The following RAD54L2 variants were observed in gnomAD, a reference collection of about 807,000 sequenced individuals.
RAD54L2 encodes helicase ARIP4.
A neutral mutation model predicts 138.4 loss-of-function variants in RAD54L2; 27 were observed. That is an observed-to-expected ratio of 0.20 (90% CI 0.14 to 0.27). RAD54L2 has a LOEUF of 0.27. Ranked by LOEUF, RAD54L2 falls within the 10% of genes least tolerant of loss-of-function variation. RAD54L2 has a pLI of 1.00. For synonymous variants in RAD54L2, 644 were observed against 723.2 expected (o/e 0.89, Z 1.76); for missense variants, 1,396 against 1,890.2 (o/e 0.74, Z 4.85).
At chr3:51,552,067 A>G (rs974314053) in intron 2 of RAD54L2, among the ~76,000 whole-genome samples, 9 of 151,698 alleles carry the variant, frequency 5.9e-5, no homozygotes, top group Non-Finnish European at 1.2e-4. Flanking sequence ...CATTTCTGTA[A>G]GTATAAGTAT....
rs763283241 is a variant in RAD54L2 at position 51,660,128 on chromosome 3, C to T, written c.3409+10C>T. On this transcript the variant is annotated intron_variant, in intron 22 of 22. Transcript: ENST00000684192. ...CGGATGGCTGCCTCAGGTGTGATGG[C>T]TTTTACTTTCCATTTTACTTTTCAA... is the stretch of plus-strand genomic sequence containing the variant. 1 of 1,584,906 alleles carries T rather than the reference C, an allele frequency of 6.3e-7. No individual in the cohort carries two copies. Among genetic ancestry groups the T allele is most frequent in the Non-Finnish European group, 8.6e-7 (1 of 1,157,258 alleles).
intron 2 of RAD54L2, among the ~76,000 whole-genome samples, chr3:51,548,137 G>A (rs112965920): frequency 0.012 from 1,889 of 151,756 alleles, 15 homozygotes; most frequent in Non-Finnish European, 0.019. Flanking sequence ...CAGGTGATCT[G>A]CACATCTCGG....
At chr3:51,599,209 ATTG>A (rs1156940961) in intron 3 of RAD54L2, among the ~76,000 whole-genome samples, 1 of 152,126 alleles carries the variant, frequency 6.6e-6, no homozygotes, top group African/African-American at 2.4e-5. Flanking sequence ...TGTGGTGATG[ATTG>A]TTGTTGTAGT....
At chr3:51,598,175 G>GTA (rs1158790269) in intron 3 of RAD54L2, among the ~76,000 whole-genome samples, 165 of 143,194 alleles carry the variant, frequency 1.2e-3, no homozygotes, top group East Asian at 6.2e-3. Context: ...GTGTGTGTGT[G>GTA]TGTATATATA....
In RAD54L2 at chr3:51,590,457, C is replaced by G. The variant is rs1699815993; in HGVS notation, c.37C>G (p.Leu13Val). 2 of 1,551,330 alleles carry G rather than the reference C, an allele frequency of 1.3e-6. No individual in the cohort carries two copies. Among genetic ancestry groups the G allele is most frequent in the Non-Finnish European group, 1.7e-6 (2 of 1,146,614 alleles). ...DESASGSDPD[L>V]DPDVELEDAE... ...ATCTGCCTCAGGGAGCGATCCAGACCTGGACCCGGACGTGGAGCTGGAGGA... is the reference window on the plus strand; with the variant it reads ...ATCTGCCTCAGGGAGCGATCCAGACGTGGACCCGGACGTGGAGCTGGAGGA... Residue 13 changes from leucine (L) to valine (V), a missense_variant, in exon 3 of 23, where the codon CTG (leucine) becomes GTG (valine). Around this residue, in one of 7 missense-constraint regions of RAD54L2, gnomAD observed 256 missense variants for 344.6 expected, o/e 0.74. Transcript: ENST00000684192.
At chr3:51,651,914 A>G (rs1177661464) in intron 19 of RAD54L2, among the ~76,000 whole-genome samples, 1 of 152,210 alleles carries the variant, frequency 6.6e-6, no homozygotes, top group African/African-American at 2.4e-5. Context: ...CCTATTCAAC[A>G]TAGTGTTGGA....
chr3:51,571,092 A>AT (rs1290737470), intron 2 of RAD54L2, among the ~76,000 whole-genome samples: 2 of 152,164 alleles, frequency 1.3e-5, no homozygotes, highest in Non-Finnish European at 2.9e-5. Context: ...AAGTGTTGGG[A>AT]TTATAGGAGT....
chr3:51,599,073 A>G (rs1700029370), intron 3 of RAD54L2, among the ~76,000 whole-genome samples: 1 of 152,124 alleles, frequency 6.6e-6, no homozygotes, highest in African/African-American at 2.4e-5. Context: ...ACACTATCTG[A>G]CATAATTTCC....
In RAD54L2 at chr3:51,666,871, G is replaced by A. The variant is rs976149681; in HGVS notation, c.*3451G>A. On this transcript the variant is annotated 3_prime_UTR_variant, in exon 23 of 23. Transcript: ENST00000684192. ...GGAGCTCTCTTCCCTAGGAATTAGT[G>A]TGTGGAGTCTCTATATGCTTGTGAT... 1.2e-4 allele frequency: 19 copies of A among 152,118 alleles called. No homozygotes were observed. Among genetic ancestry groups the A allele is most frequent in the African/African-American group, 3.6e-4 (15 of 41,372 alleles). The allele number at this position is 152,118 out of a possible 1,614,324, so 9.4% of individuals were successfully genotyped here. A position where few individuals can be genotyped will look rare whatever the true frequency, so the allele number is the denominator to read the frequency against.
Position 51,663,135 on chromosome 3 carries a change from T to G in RAD54L2, c.4119T>G (p.Pro1373=). ...TASNPSFMLN[P]SVPGILPSYS... ...GCAACCCCTCCTTCATGCTCAACCCTTCTGTGCCAGGGATACTACCCAGCT... is the reference window on the plus strand; with the variant it reads ...GCAACCCCTCCTTCATGCTCAACCCGTCTGTGCCAGGGATACTACCCAGCT... Residue 1373 remains proline, a synonymous_variant, in exon 23 of 23, where the codon CCT becomes CCG. Coordinates refer to ENST00000684192, the MANE Select transcript of RAD54L2 (RefSeq NM_015106.4). 6.2e-7 allele frequency: 1 copy of G among 1,613,960 alleles called. No homozygotes were observed. Among genetic ancestry groups the G allele is most frequent in the Non-Finnish European group, 8.5e-7 (1 of 1,179,874 alleles).
intron 2 of RAD54L2, among the ~76,000 whole-genome samples, chr3:51,569,407 G>T (rs1451882562): frequency 6.0e-5 from 9 of 150,290 alleles, no homozygotes; most frequent in African/African-American, 2.2e-4. Flanking sequence ...TTTTCTAGAC[G>T]GAGTCTTGCT....
chr3:51,608,553 G>T (rs569780159), intron 3 of RAD54L2, among the ~76,000 whole-genome samples: 167 of 152,364 alleles, frequency 1.1e-3, no homozygotes, highest in African/African-American at 4.0e-3. Flanking sequence ...CACTGAGTGA[G>T]CGAGACTCCG....
rs1408350580 is a variant in RAD54L2 at position 51,590,511 on chromosome 3, G to A, written c.91G>A (p.Val31Met). The A allele has an allele frequency of 1.3e-6, 2 of 1,552,510 alleles. No individual in the cohort carries two copies. The highest frequency in any genetic ancestry group is 8.7e-7 in the Non-Finnish European group (1 of 1,147,206). ...GGAAGAGGAGGAGGAGGAGGAGGAG[G>A]TGGCAGTGGAGGAGTGTGACAGGGA... ...DAEEEEEEEE[V>M]AVEECDRDDE... The change falls in exon 3 of 23, where the codon GTG becomes ATG. Residue 31 changes from valine (V) to methionine (M), a missense_variant. Transcript: ENST00000684192.
At chr3:51,598,149 A>ATATG (rs1553682161) in intron 3 of RAD54L2, among the ~76,000 whole-genome samples, 19 of 128,410 alleles carry the variant, frequency 1.5e-4, no homozygotes, top group African/African-American at 5.0e-4. Flanking sequence ...GTATATATAT[A>ATATG]TGTGTGTGTG....
chr3:51,654,456 G>A (rs552410394), intron 19 of RAD54L2, among the ~76,000 whole-genome samples: 8 of 152,184 alleles, frequency 5.3e-5, no homozygotes, highest in Non-Finnish European at 1.0e-4. Context: ...GGGAGGCTGA[G>A]GTGGGAGAAT....
intron 3 of RAD54L2, among the ~76,000 whole-genome samples, chr3:51,615,548 G>A (rs746271257): frequency 3.3e-5 from 5 of 152,170 alleles, no homozygotes; most frequent in Non-Finnish European, 7.3e-5. Context: ...TCTGTTATGT[G>A]ACAGGCATTT....
intron 2 of RAD54L2, among the ~76,000 whole-genome samples, chr3:51,565,034 A>G (rs763623984): frequency 2.0e-4 from 31 of 152,336 alleles, no homozygotes; most frequent in Admixed American, 3.9e-4. Context: ...ATTAGAACAA[A>G]GAGGCCTTTT....
rs768354274 is a variant in RAD54L2, at chr3:51,626,436, C to CTTTTTTTTTTTTTTTTTTTTTTT, written c.140-1113_140-1091dup. ...TGACATCCCCTGGACCCCCAACGAT[C>CTTTTTTTTTTTTTTTTTTTTTTT]TTTTTTTTTTTTTTTTTTTTTTTTT... On this transcript the variant is annotated intron_variant, in intron 3 of 22. Coordinates refer to ENST00000684192, the MANE Select transcript of RAD54L2 (RefSeq NM_015106.4). Among the ~76,000 whole-genome samples the CTTTTTTTTTTTTTTTTTTTTTTT allele has an allele frequency of 5.1e-5, 2 of 39,392 alleles. 1 individual carries two copies. Among genetic ancestry groups the CTTTTTTTTTTTTTTTTTTTTTTT allele is most frequent in the Admixed American group, 1.0e-3 (2 of 1,994 alleles). 25.8% of individuals were successfully genotyped at this position (39,392 alleles called of 152,430 possible).
At chr3:51,613,001 G>T (rs773385197) in intron 3 of RAD54L2, among the ~76,000 whole-genome samples, 7 of 152,004 alleles carry the variant, frequency 4.6e-5, no homozygotes, top group Non-Finnish European at 1.0e-4. Context: ...GTGTGGTGGC[G>T]CAATCTTGGC....
Sources: gnomAD v4.1 joint callset for allele counts (sites outside exome capture counted in the v4.1 genomes callset) on GRCh38, gnomAD v4.1.1 for gene constraint, gnomAD v4.1.1 regional missense constraint, MANE v1.5 for transcripts, NCBI Gene and HGNC (gene_info 2026-07-23, HGNC 2026-07-21) for gene names.